The following ARHGEF6 variants were observed in gnomAD, a reference collection of about 807,000 sequenced individuals.
The protein encoded by ARHGEF6 is Rac/Cdc42 guanine nucleotide exchange factor 6.
ARHGEF6 carries 9 observed loss-of-function variants against 70.3 expected under a neutral mutation model. That is an observed-to-expected ratio of 0.13 (90% confidence interval 0.08 to 0.22). The LOEUF (loss-of-function observed/expected upper bound fraction) is 0.22. ARHGEF6 is among the 10% of genes least tolerant of loss of function. The probability of loss-of-function intolerance (pLI) is 1.00; values close to 1 mark genes in which losing one functional copy is unlikely to be tolerated. For synonymous variants in ARHGEF6, 201 were observed against 207.8 expected, an observed-to-expected ratio of 0.97 and a Z score of 0.28; for missense variants, 470 against 563.0, an observed-to-expected ratio of 0.83 and a Z score of 1.67.
chrX:136,716,087 T>C (rs2076733997), intron 6 of ARHGEF6, among the ~76,000 whole-genome samples: 1 of 112,362 alleles, frequency 8.9e-6, no homozygotes, highest in Non-Finnish European at 1.9e-5. Flanking sequence ...ATTACAGGCA[T>C]GCGCCATCAC....
At position 136,666,864 on chromosome X, in the gene ARHGEF6, T is replaced by C. The variant is rs959882189; in HGVS notation, c.*1165A>G. The C allele has an allele frequency of 2.7e-5, 3 of 112,248 alleles. No homozygotes were observed. The East Asian group carries it at 8.4e-4, about 31-fold the overall frequency. The allele number at this position is 112,248 out of a possible 1,213,427, so 9.3% of individuals were successfully genotyped here. A position where few individuals can be genotyped will look rare whatever the true frequency, so the allele number is the denominator to read the frequency against. The stretch of plus-strand genomic sequence containing the variant: ...GCACACAGCTACTAGAGGGGCCCTT[T>C]TGTTCTGGATGTACAAGTTGGACCA... On this transcript the variant is annotated 3_prime_UTR_variant, in exon 22 of 22. Coordinates refer to ENST00000250617, the MANE Select transcript of ARHGEF6 (RefSeq NM_004840.3).
chrX:136,677,160 T>A (rs1242710653), intron 17 of ARHGEF6, among the ~76,000 whole-genome samples: 1 of 112,743 alleles, frequency 8.9e-6, no homozygotes, highest in African/African-American at 3.2e-5. Context: ...GCTTCAAAGC[T>A]ATTTAAATAA....
chrX:136,686,571 T>C (rs2076388212), intron 11 of ARHGEF6, among the ~76,000 whole-genome samples: 1 of 89,813 alleles, frequency 1.1e-5, no homozygotes, highest in African/African-American at 4.5e-5. Flanking sequence ...ACTCTTTCTA[T>C]ATATATGTGT....
chrX:136,671,290 T>A (rs1317705058), intron 20 of ARHGEF6, among the ~76,000 whole-genome samples: 1 of 111,767 alleles, frequency 8.9e-6, no homozygotes, highest in Non-Finnish European at 1.9e-5. Flanking sequence ...TACTTAACCA[T>A]TTTGCTGTAT....
intron 6 of ARHGEF6, among the ~76,000 whole-genome samples, chrX:136,716,237 G>A (rs766247687): frequency 3.6e-5 from 4 of 112,611 alleles, no homozygotes; most frequent in Non-Finnish European, 7.5e-5. Context: ...CACTGCGCCC[G>A]GCCTGAGCAT....
chrX:136,675,598 C>A (rs758643912), intron 18 of ARHGEF6, among the ~76,000 whole-genome samples: 1 of 110,436 alleles, frequency 9.1e-6, no homozygotes, highest in Non-Finnish European at 1.9e-5. Flanking sequence ...TCACTGCAAG[C>A]TCCGCCTCCC....
At chrX:136,717,575 TTTC>T (rs2076749511) in intron 6 of ARHGEF6, among the ~76,000 whole-genome samples, 1 of 112,117 alleles carries the variant, frequency 8.9e-6, no homozygotes, top group African/African-American at 3.2e-5. Flanking sequence ...TAAAAACTTT[TTTC>T]TTATTTTTAA....
At chrX:136,741,535 T>TGTG (rs199589255) in intron 5 of ARHGEF6, among the ~76,000 whole-genome samples, 11 of 108,593 alleles carry the variant, frequency 1.0e-4, no homozygotes, top group African/African-American at 3.8e-4. Context: ...CTTTTTTTTT[T>TGTG]TTTGTGTGTG....
chrX:136,741,537 T>TGTG (rs1242623982), intron 5 of ARHGEF6, among the ~76,000 whole-genome samples: 14 of 105,630 alleles, frequency 1.3e-4, no homozygotes, highest in African/African-American at 5.1e-4. Flanking sequence ...TTTTTTTTTT[T>TGTG]TGTGTGTGTG....
Position 136,743,574 on chromosome X carries a change from A to G in ARHGEF6, c.661+11T>C. 1 of 1,207,415 alleles carries G rather than the reference A, an allele frequency of 8.3e-7. No homozygotes were observed. The highest frequency in any genetic ancestry group is 1.7e-5 in the African/African-American group (1 of 57,662). On this transcript the variant is annotated intron_variant, in intron 5 of 21. Coordinates refer to ENST00000250617, the MANE Select transcript of ARHGEF6 (RefSeq NM_004840.3). Reference sequence around the variant, plus strand: ...GTCACAATCAAAAAGCCTTTTAAAAACTTCACTTACCACTGGATTTAATTT... The same window carrying G: ...GTCACAATCAAAAAGCCTTTTAAAAGCTTCACTTACCACTGGATTTAATTT...
rs765973398 is a variant in ARHGEF6 at position 136,680,868 on chromosome X, C to A, written c.1567G>T (p.Val523Leu). The A allele has an allele frequency of 2.5e-6, 3 of 1,211,766 alleles. No homozygotes were observed. The highest frequency in any genetic ancestry group is 3.4e-6 in the Non-Finnish European group (3 of 895,400). ...DCTFEITGNT[V>L]ERIVVHCNNN... is the part of the protein sequence containing the mutation. ...TTACAATGGACCACAATTCTCTCCA[C>A]TGTGTTACCTACATCCCCCAATTAT... is the stretch of plus-strand genomic sequence containing the variant. Residue 523 changes from valine (V) to leucine (L), a missense_variant, in exon 15 of 22, where the codon GTG (valine) becomes TTG (leucine). Val to Leu is a conservative substitution (Grantham distance 32). This residue lies in a region of ARHGEF6 where 379 missense variants were observed against 449.3 expected (regional missense o/e 0.84). Coordinates refer to ENST00000250617, the MANE Select transcript of ARHGEF6 (RefSeq NM_004840.3).
At chrX:136,701,702 CTTTT>C (rs762628006) in intron 9 of ARHGEF6, among the ~76,000 whole-genome samples, 1 of 68,223 alleles carries the variant, frequency 1.5e-5, no homozygotes, top group Non-Finnish European at 2.7e-5. Flanking sequence ...TTTCATTTTT[CTTTT>C]TTTTTTTTTT....
intron 5 of ARHGEF6, among the ~76,000 whole-genome samples, chrX:136,733,216 C>T (rs2076953630): frequency 1.8e-5 from 2 of 109,899 alleles, no homozygotes; most frequent in South Asian, 7.6e-4. Context: ...GCATTTTCTC[C>T]TCTGCTTCAC....
At position 136,676,674 on chromosome X, in the gene ARHGEF6, T is replaced by C. The variant is rs2076284623; in HGVS notation, c.1895A>G (p.Lys632Arg). Residue 632 changes from lysine to arginine, a missense_variant, in exon 18 of 22, where the codon AAA (lysine) becomes AGA (arginine). By Grantham distance (26) the Lys-to-Arg change is conservative. Around this residue, in one of 3 missense-constraint regions of ARHGEF6, gnomAD observed 3 missense variants for 18.1 expected, o/e 0.17. Transcript: ENST00000250617. ...SPKTMKKFLH[K>R]RKTERKPSEE... The stretch of plus-strand genomic sequence containing the variant: ...CGATGGTTTTCTCTCAGTCTTCCTT[T>C]TATGAAGAAATTTCTTCATCGTTTT... 8.3e-7 allele frequency: 1 copy of C among 1,207,267 alleles called. No individual in the cohort carries two copies.
At chrX:136,711,704 A>T (rs774784190) in intron 7 of ARHGEF6, among the ~76,000 whole-genome samples, 2 of 110,973 alleles carry the variant, frequency 1.8e-5, no homozygotes, top group African/African-American at 3.3e-5. Flanking sequence ...CTGGGACTAC[A>T]GGTGCGCACC....
chrX:136,742,243 C>T (rs2077050680), intron 5 of ARHGEF6, among the ~76,000 whole-genome samples: 1 of 111,346 alleles, frequency 9.0e-6, no homozygotes, highest in Non-Finnish European at 1.9e-5. Flanking sequence ...GGCGTGAACC[C>T]GGGAGGCGGA....
intron 6 of ARHGEF6, among the ~76,000 whole-genome samples, chrX:136,729,628 G>A (rs60146653): frequency 0.1 from 11,323 of 108,028 alleles, 1,275 homozygotes; most frequent in African/African-American, 0.33. Context: ...TCAGGAGTTC[G>A]AGACCAGCCT....
At chrX:136,767,788 C>A in intron 2 of ARHGEF6, 5 of 754,883 alleles carry the variant, frequency 6.6e-6, no homozygotes, top group Non-Finnish European at 7.8e-6. Flanking sequence ...AAGCAGTGAC[C>A]CGGACCTGGA....
intron 2 of ARHGEF6, among the ~76,000 whole-genome samples, chrX:136,759,276 C>A (rs1344919529): frequency 8.9e-6 from 1 of 112,001 alleles, no homozygotes; most frequent in Non-Finnish European, 1.9e-5. Flanking sequence ...GAAGAACATA[C>A]AAATTAGTGT....
Sources: gnomAD v4.1 joint callset for allele counts (sites outside exome capture counted in the v4.1 genomes callset) on GRCh38, gnomAD v4.1.1 for gene constraint, gnomAD v4.1.1 regional missense constraint, MANE v1.5 for transcripts, NCBI Gene and HGNC (gene_info 2026-07-23, HGNC 2026-07-21) for gene names.